MS4A4E: variants seen among roughly 807,000 people sequenced by gnomAD.
MS4A4E encodes the protein membrane spanning 4-domains A4E.
Under a neutral mutation model 13.3 loss-of-function variants are expected in MS4A4E, and 23 were observed. That is an observed-to-expected ratio of 1.73 (90% CI 1.25 to 2.45). The LOEUF (loss-of-function observed/expected upper bound fraction) is 2.45, where lower values mean the gene tolerates loss of function less well. Ranked by LOEUF, MS4A4E falls within the 30% of genes most tolerant of loss-of-function variation. The probability of loss-of-function intolerance (pLI) is 0.00; values close to 1 mark genes in which losing one functional copy is unlikely to be tolerated. For synonymous variants in MS4A4E, 36 were observed against 45.6 expected (o/e 0.79, Z 0.85); for missense variants, 144 against 131.2 (o/e 1.10, Z -0.48).
intron 1 of MS4A4E, among the ~76,000 whole-genome samples, chr11:60,230,503 C>A (rs1161474434): frequency 6.6e-6 from 1 of 152,184 alleles, no homozygotes; most frequent in Admixed American, 6.5e-5. Context: ...TATAGTTCCT[C>A]CTTTTATAAC....
At chr11:60,229,829 G>T in intron 2 of MS4A4E, 83 bp downstream of exon 2, 2 of 1,381,044 alleles carry the variant, frequency 1.4e-6, no homozygotes, top group Non-Finnish European at 2.0e-6. Flanking sequence ...TGAGGCTAGC[G>T]GGACAGTGTA....
intron 3 of MS4A4E, among the ~76,000 whole-genome samples, chr11:60,223,954 C>A (rs1044861985): frequency 6.6e-6 from 1 of 152,118 alleles, no homozygotes; most frequent in Non-Finnish European, 1.5e-5. Context: ...GACTAATACA[C>A]TCTCCTTCAA....
chr11:60,210,290 C>G (rs541779645), intron 5 of MS4A4E, among the ~76,000 whole-genome samples: 2 of 151,242 alleles, frequency 1.3e-5, no homozygotes, highest in African/African-American at 2.4e-5. Flanking sequence ...AAGAATAGAC[C>G]CATTGCTTCA....
At chr11:60,208,221 T>A (rs1002666825) in intron 6 of MS4A4E, among the ~76,000 whole-genome samples, 3 of 152,210 alleles carry the variant, frequency 2.0e-5, no homozygotes, top group Admixed American at 2.0e-4. Context: ...AAACTCATTA[T>A]TCTGGATGGA....
chr11:60,206,512 T>TGTATATATATATGTATATATATATACAC (rs1554983301), intron 6 of MS4A4E, among the ~76,000 whole-genome samples: 1 of 98,348 alleles, frequency 1.0e-5, no homozygotes, highest in African/African-American at 4.8e-5. Context: ...TATATATATA[T>TGTATATATATATGTATATATATATACAC]ACACACACAC....
Position 60,201,637 on chromosome 11 carries a change from G to A in MS4A4E, c.902C>T (p.Ala301Val). 1 of 315,090 alleles carries A rather than the reference G, an allele frequency of 3.2e-6. No individual in the cohort carries two copies. Among genetic ancestry groups the A allele is most frequent in the Non-Finnish European group, 6.4e-6 (1 of 156,066 alleles). The allele number at this position is 315,090 out of a possible 1,614,324, so 19.5% of individuals were successfully genotyped here. The change falls in exon 9 of 9, where the codon GCT becomes GTT. Residue 301 changes from alanine (A) to valine (V), a missense_variant. By Grantham distance (64) the Ala-to-Val change is moderately conservative (BLOSUM62 0). Coordinates refer to ENST00000651255, the MANE Select transcript of MS4A4E (RefSeq NM_001393391.1). ...TCCCCACTTCCTAGATGGGATGGCA[G>A]CCGGGCAGAGACGCTCCTCACTTTC... ...SLESEERLCP[A>V]AIPSRKWGAP...
chr11:60,222,548 G>A (rs2084282389), intron 3 of MS4A4E, among the ~76,000 whole-genome samples: 1 of 152,190 alleles, frequency 6.6e-6, no homozygotes, highest in Non-Finnish European at 1.5e-5. Flanking sequence ...ATAAGGTACT[G>A]TTTCTGCTAT....
At chr11:60,208,867 C>T (rs1311056207) in intron 5 of MS4A4E, among the ~76,000 whole-genome samples, 173 bp from the exon 6 acceptor site, 1 of 152,218 alleles carries the variant, frequency 6.6e-6, no homozygotes, top group Non-Finnish European at 1.5e-5. Context: ...TAGCTTCTCA[C>T]TTTTTTCACT....
In MS4A4E at chr11:60,232,284, AACAC is replaced by A. The variant is rs3221531; in HGVS notation, c.-16-2217_-16-2214del. The stretch of plus-strand genomic sequence containing the variant: ...AGAAGTTACTAACCTCATCGCCATC[AACAC>A]ACACACACACACACACACACACACA... On this transcript the variant is annotated intron_variant, in intron 1 of 8. Coordinates refer to ENST00000651255, the MANE Select transcript of MS4A4E (RefSeq NM_001393391.1). Among the ~76,000 whole-genome samples, 1,066 of 130,152 alleles carry A rather than the reference AACAC, an allele frequency of 8.2e-3. 16 individuals carry two copies. The highest frequency in any genetic ancestry group is 0.033 in the Middle Eastern group (9 of 276). The allele number at this position is 130,152 out of a possible 152,430, so 85.4% of individuals were successfully genotyped here.
chr11:60,232,015 C>T (rs1565128006), intron 1 of MS4A4E, among the ~76,000 whole-genome samples: 1 of 151,912 alleles, frequency 6.6e-6, no homozygotes, highest in East Asian at 1.9e-4. Context: ...GCAACATTGT[C>T]TCAAACAAAT....
chr11:60,238,579 G>A (rs2084512061), intron 1 of MS4A4E, among the ~76,000 whole-genome samples: 1 of 152,004 alleles, frequency 6.6e-6, no homozygotes, highest in African/African-American at 2.4e-5. Context: ...TATAGCTAAA[G>A]GTTTTTCAAA....
At chr11:60,227,136 A>T (rs1425412499) in intron 3 of MS4A4E, among the ~76,000 whole-genome samples, 1 of 151,836 alleles carries the variant, frequency 6.6e-6, no homozygotes, top group Non-Finnish European at 1.5e-5. Context: ...CTTAAAAAAA[A>T]ATAAGTCGAA....
intron 1 of MS4A4E, among the ~76,000 whole-genome samples, chr11:60,241,618 G>C (rs1486732643): frequency 6.6e-6 from 1 of 152,116 alleles, no homozygotes; most frequent in Non-Finnish European, 1.5e-5. Flanking sequence ...TTATATAACT[G>C]CCTCCTATCT....
chr11:60,220,007 A>G (rs1410030209), intron 3 of MS4A4E, among the ~76,000 whole-genome samples: 1 of 152,170 alleles, frequency 6.6e-6, no homozygotes, highest in East Asian at 1.9e-4. Context: ...GGACCCCCAC[A>G]CTGGCCCCTG....
Position 60,229,965 on chromosome 11 carries a change from G to A in MS4A4E, c.91C>T (p.Leu31=). The A allele has an allele frequency of 6.2e-7, 1 of 1,613,592 alleles. No homozygotes were observed. The highest frequency in any genetic ancestry group is 2.2e-5 in the East Asian group (1 of 44,876). ...AACTTCTCTTGCAATCCTTTACACA[G>A]ATATGAATGTATGACATCTATGTTT... ...LGNIDVIHSY[L]CKGLQEKFFK... The change falls in exon 2 of 9, where the codon CTG becomes TTG. Residue 31 remains leucine (L), a synonymous_variant. Coordinates refer to ENST00000651255, the MANE Select transcript of MS4A4E (RefSeq NM_001393391.1).
chr11:60,219,816 G>C (rs1387983169), intron 3 of MS4A4E, among the ~76,000 whole-genome samples: 2 of 152,146 alleles, frequency 1.3e-5, no homozygotes, highest in Non-Finnish European at 2.9e-5. Context: ...TTGATTCCAG[G>C]GGACCCAAAA....
chr11:60,222,386 C>A (rs1162385080), intron 3 of MS4A4E, among the ~76,000 whole-genome samples: 1 of 152,186 alleles, frequency 6.6e-6, no homozygotes, highest in Non-Finnish European at 1.5e-5. Flanking sequence ...CTGGTCTTAC[C>A]ATGTTTCCCA....
chr11:60,235,601 G>A (rs891154326), intron 1 of MS4A4E, among the ~76,000 whole-genome samples: 1 of 152,134 alleles, frequency 6.6e-6, no homozygotes, highest in Admixed American at 6.5e-5. Context: ...AAATTTTGAG[G>A]AAGACTGGAT....
intron 6 of MS4A4E, among the ~76,000 whole-genome samples, chr11:60,207,628 C>T (rs1043953155): frequency 6.6e-6 from 1 of 152,168 alleles, no homozygotes; most frequent in African/African-American, 2.4e-5. Context: ...TTACTTTATT[C>T]TTTGGCTGAC....
Sources: allele counts gnomAD v4.1 joint callset (sites outside exome capture counted in the v4.1 genomes callset), GRCh38; gene constraint gnomAD v4.1.1; transcripts MANE v1.5; gene names NCBI Gene and HGNC (gene_info 2026-07-23, HGNC 2026-07-21).